The following SRRM3 variants were observed in gnomAD, a reference collection of about 807,000 sequenced individuals.
SRRM3 encodes serine/arginine repetitive matrix 3.
SRRM3 carries 27 observed loss-of-function variants against 66.2 expected under a neutral mutation model. The ratio of observed to expected loss-of-function variants is 0.41; its 90% CI spans 0.30 to 0.56. The LOEUF (loss-of-function observed/expected upper bound fraction) is 0.56, where lower values mean the gene tolerates loss of function less well. Ranked by LOEUF, SRRM3 falls within the 20% of genes least tolerant of loss-of-function variation. SRRM3 has a pLI of 0.32. For missense variants in SRRM3, 918 were observed against 991.9 expected (o/e 0.93, Z 1.00); for synonymous variants, 391 against 414.9 (o/e 0.94, Z 0.70).
At chr7:76,240,103 T>C (rs1274290301) in intron 2 of SRRM3, among the ~76,000 whole-genome samples, 1 of 151,566 alleles carries the variant, frequency 6.6e-6, no homozygotes, top group Non-Finnish European at 1.5e-5. Context: ...GAGGTGGAGA[T>C]TGTAGTGAGC....
rs114524543 is a variant in SRRM3, at chr7:76,275,610, T to C, written c.1009-5831T>C. ...GGAGGGTCCGTCCTTGAGGAGTTTC[T>C]GATATGACCAGGGACCCACGAGTTG... On this transcript the variant is annotated intron_variant, in intron 11 of 14. Coordinates refer to ENST00000611745, the MANE Select transcript of SRRM3 (RefSeq NM_001110199.3). 6.8e-3 allele frequency among the ~76,000 whole-genome samples: 1,039 copies of C among 152,160 alleles called. 12 individuals carry two copies. Among genetic ancestry groups the C allele is most frequent in the African/African-American group, 0.024 (992 of 41,514 alleles).
chr7:76,241,543 G>A (rs1801295989), intron 2 of SRRM3, among the ~76,000 whole-genome samples: 1 of 151,920 alleles, frequency 6.6e-6, no homozygotes, highest in East Asian at 1.9e-4. Context: ...TCACTCCATT[G>A]CCCAGGCTGG....
chr7:76,218,835 C>T (rs181910773), intron 1 of SRRM3, among the ~76,000 whole-genome samples: 140 of 151,590 alleles, frequency 9.2e-4, no homozygotes, highest in African/African-American at 3.1e-3. Flanking sequence ...TGCACCATCA[C>T]ACCTGGCCTT....
In SRRM3 at chr7:76,235,258, G is replaced by A. The variant is rs187619763; in HGVS notation, c.192G>A (p.Glu64=). Residue 64 remains glutamate (E), a synonymous_variant, in exon 2 of 15, where the codon GAG becomes GAA. Transcript: ENST00000611745. Reference sequence around the variant, plus strand: ...ACCACGAGCGCAAGCGGCGGGTGGAGCTCAAGTGCATGGAGCTGCAGGAGA... The same window carrying A: ...ACCACGAGCGCAAGCGGCGGGTGGAACTCAAGTGCATGGAGCTGCAGGAGA... ...ILDHERKRRV[E]LKCMELQEMM... 1,664 of 1,540,624 alleles carry A rather than the reference G, an allele frequency of 1.1e-3. 20 individuals carry two copies. In the African/African-American group the frequency reaches 0.02, roughly 19 times the overall value.
Position 76,282,735 on chromosome 7 carries a change from G to A in SRRM3, c.1458G>A (p.Lys486=). ...AHGRRGGPEG[K]SSSRSPGPHP... is the part of the protein sequence containing the mutation. Reference sequence around the variant, plus strand: ...GCCGGCGCGGCGGCCCAGAAGGGAAGAGCTCGTCGCGCAGCCCCGGCCCGC... The same window carrying A: ...GCCGGCGCGGCGGCCCAGAAGGGAAAAGCTCGTCGCGCAGCCCCGGCCCGC... The change falls in exon 13 of 15, where the codon AAG becomes AAA. Residue 486 remains lysine, a synonymous_variant. Coordinates refer to ENST00000611745, the MANE Select transcript of SRRM3 (RefSeq NM_001110199.3). The A allele has an allele frequency of 2.1e-6, 3 of 1,456,538 alleles. No individual in the cohort carries two copies. Among genetic ancestry groups the A allele is most frequent in the Non-Finnish European group, 2.7e-6 (3 of 1,109,890 alleles). The allele number at this position is 1,456,538 out of a possible 1,614,324, so 90.2% of individuals were successfully genotyped here. A position where few individuals can be genotyped will look rare whatever the true frequency, so the allele number is the denominator to read the frequency against.
intron 1 of SRRM3, among the ~76,000 whole-genome samples, chr7:76,205,035 C>T (rs1800260592): frequency 6.6e-6 from 1 of 152,060 alleles, no homozygotes; most frequent in Admixed American, 6.6e-5. Flanking sequence ...ATTGAACCCT[C>T]CCCCATCTCT....
rs78411864 is a variant in SRRM3 at position 76,241,996 on chromosome 7, T to A, written c.234-6192T>A. Among the ~76,000 whole-genome samples the A allele has an allele frequency of 5.5e-3, 837 of 152,242 alleles. 10 individuals are homozygous for A. Among genetic ancestry groups the A allele is most frequent in the African/African-American group, 0.019 (770 of 41,540 alleles). ...ACAGAAGCATGGCGCTGGCATCCAA[T>A]TGGCTTCTGGTGAGGCCTCAGGAAG... is the stretch of plus-strand genomic sequence containing the variant. On this transcript the variant is annotated intron_variant, in intron 2 of 14. Transcript: ENST00000611745.
chr7:76,264,861 C>T (rs781916815), intron 9 of SRRM3, 46 bp downstream of exon 9: 9 of 1,593,692 alleles, frequency 5.6e-6, no homozygotes, highest in African/African-American at 2.7e-5. Flanking sequence ...TTCTCCCTCC[C>T]GCCCCAGCAA....
intron 2 of SRRM3, among the ~76,000 whole-genome samples, chr7:76,240,612 T>A (rs1554605506): frequency 1.7e-5 from 2 of 115,628 alleles, no homozygotes; most frequent in East Asian, 5.5e-4. Context: ...AGAGCGAGAC[T>A]CCATCTCAAA....
intron 1 of SRRM3, among the ~76,000 whole-genome samples, chr7:76,217,349 A>C (rs781887009): frequency 3.9e-5 from 6 of 152,070 alleles, no homozygotes; most frequent in Non-Finnish European, 5.9e-5. Context: ...CAATGGTGTA[A>C]TCTCTGCCCA....
chr7:76,217,237 A>G (rs1554602682), intron 1 of SRRM3, among the ~76,000 whole-genome samples: 1 of 152,200 alleles, frequency 6.6e-6, no homozygotes, highest in Non-Finnish European at 1.5e-5. Context: ...GGATTATAGA[A>G]AGACACACAC....
intron 1 of SRRM3, among the ~76,000 whole-genome samples, chr7:76,211,824 A>ATTAT (rs1296306619): frequency 3.0e-5 from 4 of 132,092 alleles, no homozygotes; most frequent in African/African-American, 1.1e-4. Flanking sequence ...TACTATTATT[A>ATTAT]TTATTATTAT....
At chr7:76,260,284 C>T in intron 5 of SRRM3, 87 bp downstream of exon 5, 1 of 1,009,134 alleles carries the variant, frequency 9.9e-7, no homozygotes, top group Non-Finnish European at 1.4e-6. Flanking sequence ...AACCATGCAG[C>T]ATTTGTGAGC....
chr7:76,239,113 AC>A lies in SRRM3; in HGVS notation c.233+3816del, dbSNP rs1801220669. On this transcript the variant is annotated intron_variant, in intron 2 of 14. Coordinates refer to ENST00000611745, the MANE Select transcript of SRRM3 (RefSeq NM_001110199.3). Reference sequence around the variant, plus strand: ...AATGGCACGATCTCGGCTTACTGCAACCTCCACCTCCCAGGTTCAAGCCATT... The same window carrying A: ...AATGGCACGATCTCGGCTTACTGCAACTCCACCTCCCAGGTTCAAGCCATT... 1.3e-5 allele frequency among the ~76,000 whole-genome samples: 2 copies of A among 151,244 alleles called. 1 individual carries two copies. The highest frequency in any genetic ancestry group is 4.2e-4 in the South Asian group (2 of 4,774).
chr7:76,267,275 G>A lies in SRRM3; in HGVS notation c.848G>A (p.Arg283Gln), dbSNP rs142979250. The A allele has an allele frequency of 6.5e-3, 10,111 of 1,552,932 alleles. 63 individuals carry two copies. Among genetic ancestry groups the A allele is most frequent in the Non-Finnish European group, 6.8e-3 (7,861 of 1,155,916 alleles). ...AACCCCAGGCTGAGCCCCAAGCACC[G>A]AGACGAAGGGCGAAAGACGGGCAGC... ...RSPSRLSPKH[R>Q]DEGRKTGSQR... is the part of the protein sequence containing the mutation. Residue 283 changes from arginine (R) to glutamine (Q), a missense_variant, in exon 11 of 15, where the codon CGA (arginine) becomes CAA (glutamine). By Grantham distance (43) the Arg-to-Gln change is conservative (BLOSUM62 1). Transcript: ENST00000611745.
intron 1 of SRRM3, among the ~76,000 whole-genome samples, chr7:76,211,273 G>A (rs782710670): frequency 6.6e-6 from 1 of 152,202 alleles, no homozygotes; most frequent in African/African-American, 2.4e-5. Context: ...GCCAGGCAGA[G>A]GCACAAGGAG....
rs557206699 is a variant in SRRM3, at chr7:76,266,207, A to AAT, written c.830+747_830+748dup. Among the ~76,000 whole-genome samples, 43 of 85,740 alleles carry AAT rather than the reference A, an allele frequency of 5.0e-4. 8 individuals carry two copies. The highest frequency in any genetic ancestry group is 2.8e-3 in the African/African-American group (36 of 12,828). The allele number at this position is 85,740 out of a possible 152,430, so 56.2% of individuals were successfully genotyped here. A position where few individuals can be genotyped will look rare whatever the true frequency, so the allele number is the denominator to read the frequency against. ...AATATATATAAATATTTATATATTT[A>AAT]ATATATATAAATATTTATATATTTA... On this transcript the variant is annotated intron_variant, in intron 10 of 14. Coordinates refer to ENST00000611745, the MANE Select transcript of SRRM3 (RefSeq NM_001110199.3).
chr7:76,209,996 C>T (rs569485808), intron 1 of SRRM3, among the ~76,000 whole-genome samples: 5 of 152,288 alleles, frequency 3.3e-5, no homozygotes, highest in African/African-American at 1.2e-4. Context: ...AGGAAGGCCC[C>T]TCTGCCTGCA....
At chr7:76,207,531 G>T in intron 1 of SRRM3, among the ~76,000 whole-genome samples, 1 of 152,102 alleles carries the variant, frequency 6.6e-6, no homozygotes, top group South Asian at 2.1e-4. Context: ...GAGGTCTGTT[G>T]CTGTTTTTAC....
Sources: allele counts gnomAD v4.1 joint callset (sites outside exome capture counted in the v4.1 genomes callset), GRCh38; gene constraint gnomAD v4.1.1; transcripts MANE v1.5; gene names NCBI Gene and HGNC (gene_info 2026-07-23, HGNC 2026-07-21).